The following LYPD6 variants were observed in gnomAD, a reference collection of about 807,000 sequenced individuals.
LYPD6 encodes ly6/PLAUR domain-containing protein 6.
Under a neutral mutation model 22.7 loss-of-function variants are expected in LYPD6, and 15 were observed. The ratio of observed to expected loss-of-function variants is 0.66; its 90% confidence interval spans 0.44 to 1.02. The LOEUF (loss-of-function observed/expected upper bound fraction) is 1.02. Ranked by LOEUF, LYPD6 falls within the 50% of genes least tolerant of loss-of-function variation. LYPD6 has a pLI of 0.00. For synonymous variants in LYPD6, 72 were observed against 77.5 expected (o/e 0.93, Z 0.37); for missense variants, 189 against 208.4 (o/e 0.91, Z 0.57).
chr2:149,406,543 C>G (rs540424609), intron 1 of LYPD6, among the ~76,000 whole-genome samples: 51 of 152,266 alleles, frequency 3.3e-4, no homozygotes, highest in Non-Finnish European at 4.4e-5. Flanking sequence ...TTATCAGAGA[C>G]TAGGATTGCA....
At chr2:149,406,935 C>G (rs996787860) in intron 1 of LYPD6, among the ~76,000 whole-genome samples, 2 of 152,036 alleles carry the variant, frequency 1.3e-5, no homozygotes, top group Non-Finnish European at 2.9e-5. Flanking sequence ...CTGGTGGTGA[C>G]AAAATCTCTC....
chr2:149,343,474 C>G (rs1681199755), intron 1 of LYPD6, among the ~76,000 whole-genome samples: 1 of 152,194 alleles, frequency 6.6e-6, no homozygotes, highest in Admixed American at 6.5e-5. Flanking sequence ...AAAGCCACTC[C>G]TTTGGCAAGT....
upstream of LYPD6, chr2:149,330,398 G>A (rs1229861536): frequency 3.3e-5 from 5 of 151,042 alleles, no homozygotes; most frequent in African/African-American, 9.7e-5. Flanking sequence ...GATTCTCCCG[G>A]AGTTGGGCCG....
At chr2:149,456,069 C>A (rs1680951148) in intron 3 of LYPD6, among the ~76,000 whole-genome samples, 2 of 152,142 alleles carry the variant, frequency 1.3e-5, no homozygotes, top group African/African-American at 4.8e-5. Context: ...GAAAACACAT[C>A]TTTTTAAAAG....
At chr2:149,397,341 C>T (rs1682449536) in intron 1 of LYPD6, among the ~76,000 whole-genome samples, 1 of 152,124 alleles carries the variant, frequency 6.6e-6, no homozygotes, top group African/African-American at 2.4e-5. Context: ...TTTCAGTGTT[C>T]CTCCATGAGG....
intron 3 of LYPD6, among the ~76,000 whole-genome samples, chr2:149,455,383 C>T (rs952513401): frequency 5.9e-5 from 9 of 151,686 alleles, no homozygotes; most frequent in African/African-American, 2.2e-4. Flanking sequence ...CTCAGCCTCC[C>T]GAGTAGCTGG....
the LYPD6 span, among the ~76,000 whole-genome samples, chr2:149,482,414 G>A: frequency 6.6e-6 from 1 of 152,148 alleles, no homozygotes; most frequent in Non-Finnish European, 1.5e-5. Flanking sequence ...CTAATTCTAA[G>A]ACAAGCATTT....
intron 1 of LYPD6, among the ~76,000 whole-genome samples, chr2:149,340,898 A>T (rs987809579): frequency 6.6e-6 from 1 of 151,978 alleles, no homozygotes; most frequent in Admixed American, 6.6e-5. Context: ...TTTTCTTGCT[A>T]TGTAGATCTT....
chr2:149,362,493 G>C (rs1471064429), intron 1 of LYPD6, among the ~76,000 whole-genome samples: 5 of 152,120 alleles, frequency 3.3e-5, no homozygotes, highest in Non-Finnish European at 7.4e-5. Flanking sequence ...AGAAAGGTCT[G>C]TTTGTTCAGA....
rs375119759 is a variant in LYPD6, at chr2:149,426,324, A to C, written c.-71-11314A>C. Among the ~76,000 whole-genome samples the C allele has an allele frequency of 5.0e-4, 76 of 152,300 alleles. 1 individual carries two copies. The highest frequency in any genetic ancestry group is 1.8e-3 in the African/African-American group (75 of 41,576). ...ATATTTGGTCAGGATTCTTGGAACC[A>C]TGGGAAAAACCCTACTCCATGCCAG... is the stretch of plus-strand genomic sequence containing the variant. On this transcript the variant is annotated intron_variant, in intron 1 of 4. Transcript: ENST00000334166.
chr2:149,403,951 G>A (rs1682627125), intron 1 of LYPD6, among the ~76,000 whole-genome samples: 1 of 152,150 alleles, frequency 6.6e-6, no homozygotes, highest in South Asian at 2.1e-4. Flanking sequence ...TTCTACACAT[G>A]GCTAACCAGT....
At chr2:149,377,765 G>A (rs1246147064) in intron 1 of LYPD6, among the ~76,000 whole-genome samples, 1 of 148,546 alleles carries the variant, frequency 6.7e-6, no homozygotes, top group East Asian at 2.0e-4. Context: ...GGACGACAGA[G>A]CGAGACTTTG....
chr2:149,418,245 A>C (rs1683006210), intron 1 of LYPD6, among the ~76,000 whole-genome samples: 1 of 152,206 alleles, frequency 6.6e-6, no homozygotes, highest in South Asian at 2.1e-4. Context: ...TTGTGACACA[A>C]TTGTAGGGGA....
intron 1 of LYPD6, among the ~76,000 whole-genome samples, chr2:149,404,136 G>C (rs564616285): frequency 6.1e-4 from 93 of 152,142 alleles, no homozygotes; most frequent in Middle Eastern, 6.8e-3. Context: ...GTTACTGTAG[G>C]CTTGTAGTAT....
intron 1 of LYPD6, among the ~76,000 whole-genome samples, chr2:149,423,712 C>A (rs1234944461): frequency 1.4e-5 from 2 of 140,530 alleles, no homozygotes; most frequent in Non-Finnish European, 3.0e-5. Flanking sequence ...CCAAACTACT[C>A]CTCAGAAAAC....
In LYPD6 at chr2:149,437,732, C is replaced by G; in HGVS notation, c.24C>G (p.Ala8=). ...CCATGGAACCTGGCCCTGCTCTGGC[C>G]TGGCTCCTGCTCCTGAGCCTGCTGG... MEPGPAL[A]WLLLLSLLAD... is the part of the protein sequence containing the mutation. Residue 8 remains alanine, a synonymous_variant, in exon 2 of 5, where the codon GCC becomes GCG. Coordinates refer to ENST00000334166, the MANE Select transcript of LYPD6 (RefSeq NM_194317.5). 6.2e-7 allele frequency: 1 copy of G among 1,614,170 alleles called. No homozygotes were observed. Among genetic ancestry groups the G allele is most frequent in the African/African-American group, 1.3e-5 (1 of 75,060 alleles).
At chr2:149,333,975 AAAG>A (rs1201226483) in intron 1 of LYPD6, among the ~76,000 whole-genome samples, 1 of 152,216 alleles carries the variant, frequency 6.6e-6, no homozygotes, top group Non-Finnish European at 1.5e-5. Context: ...GAAGAAATGA[AAAG>A]AAATACTTAA....
Position 149,472,192 on chromosome 2 carries a change from A to G in LYPD6, c.*1342A>G, listed in dbSNP as rs1681351565. ...GAACAAAGTGATCAAATTAGAATAC[A>G]TATTTTTCAACAGTGGTAGAGCTTT... is the stretch of plus-strand genomic sequence containing the variant. On this transcript the variant is annotated 3_prime_UTR_variant, in exon 5 of 5. Coordinates refer to ENST00000334166, the MANE Select transcript of LYPD6 (RefSeq NM_194317.5). The G allele has an allele frequency of 1.3e-5, 2 of 152,234 alleles. No homozygotes were observed. The highest frequency in any genetic ancestry group is 2.9e-5 in the Non-Finnish European group (2 of 68,042). 9.4% of individuals were successfully genotyped at this position (152,234 alleles called of 1,614,324 possible).
Position 149,382,488 on chromosome 2 carries a change from G to A in LYPD6, c.-72+51766G>A, listed in dbSNP as rs16826931. Among the ~76,000 whole-genome samples the A allele has an allele frequency of 7.0e-3, 1,067 of 152,114 alleles. 7 individuals are homozygous for A. Among genetic ancestry groups the A allele is most frequent in the African/African-American group, 0.025 (1,028 of 41,514 alleles). On this transcript the variant is annotated intron_variant, in intron 1 of 4. Transcript: ENST00000334166. ...TAAAATCAACTCTTTGGCATACTCC[G>A]CCATCTGAATATTTGCTCATTTCTT...
Sources: gnomAD v4.1 joint callset for allele counts (sites outside exome capture counted in the v4.1 genomes callset) on GRCh38, gnomAD v4.1.1 for gene constraint, MANE v1.5 for transcripts, NCBI Gene and HGNC (gene_info 2026-07-23, HGNC 2026-07-21) for gene names.